Variants in TAF4B observed in about 807,000 individuals in gnomAD.
TAF4B encodes TATA-box binding protein associated factor 4b.
Under a neutral mutation model 86.4 loss-of-function variants are expected in TAF4B, and 38 were observed. The ratio of observed to expected loss-of-function variants is 0.44; its 90% CI spans 0.34 to 0.58. TAF4B has a LOEUF of 0.58. Ranked by LOEUF, TAF4B falls within the 20% of genes least tolerant of loss-of-function variation. The probability of loss-of-function intolerance (pLI) is 0.02; values close to 1 mark genes in which losing one functional copy is unlikely to be tolerated. For missense variants in TAF4B, 988 were observed against 1,027.6 expected, an observed-to-expected ratio of 0.96 and a Z score of 0.53; for synonymous variants, 388 against 391.2, an observed-to-expected ratio of 0.99 and a Z score of 0.10.
chr18:26,376,108 C>A (rs916618426), intron 14 of TAF4B, among the ~76,000 whole-genome samples: 1 of 151,608 alleles, frequency 6.6e-6, no homozygotes, highest in Non-Finnish European at 1.5e-5. Context: ...AGTACTATAA[C>A]TTTGTAGTAA....
At chr18:26,330,102 T>C (rs1393484167) in intron 12 of TAF4B, among the ~76,000 whole-genome samples, 1 of 152,190 alleles carries the variant, frequency 6.6e-6, no homozygotes, top group African/African-American at 2.4e-5. Flanking sequence ...CAAACCTCCG[T>C]GTGTTAACCA....
chr18:26,390,197 A>T lies in TAF4B; in HGVS notation c.*185A>T. The stretch of plus-strand genomic sequence containing the variant: ...ATGGGACTCTTACAGACTCAGATTC[A>T]TCTTTGTCTTCTGAAAATCAGTTAT... On this transcript the variant is annotated 3_prime_UTR_variant, in exon 15 of 15. Transcript: ENST00000269142. 1.9e-6 allele frequency: 1 copy of T among 522,222 alleles called. No individual in the cohort carries two copies. The highest frequency in any genetic ancestry group is 3.2e-6 in the Non-Finnish European group (1 of 309,114). 32.3% of individuals were successfully genotyped at this position (522,222 alleles called of 1,614,324 possible). A position where few individuals can be genotyped will look rare whatever the true frequency, so the allele number is the denominator to read the frequency against.
At chr18:26,238,659 A>G (rs1259349715) in intron 1 of TAF4B, among the ~76,000 whole-genome samples, 1 of 151,958 alleles carries the variant, frequency 6.6e-6, no homozygotes, top group Non-Finnish European at 1.5e-5. Context: ...TTACATATGT[A>G]TACATGTGCC....
chr18:26,356,580 G>A (rs1181182543), intron 13 of TAF4B, among the ~76,000 whole-genome samples: 1 of 152,114 alleles, frequency 6.6e-6, no homozygotes, highest in East Asian at 1.9e-4. Context: ...CTCAGTACAT[G>A]TATAGGGTTT....
chr18:26,227,012 C>T lies in TAF4B; in HGVS notation c.79C>T (p.Pro27Ser), dbSNP rs2055586162. The T allele has an allele frequency of 1.4e-6, 2 of 1,459,270 alleles. No homozygotes were observed. The highest frequency in any genetic ancestry group is 1.8e-6 in the Non-Finnish European group (2 of 1,120,228). 90.4% of individuals were successfully genotyped at this position (1,459,270 alleles called of 1,614,324 possible). A position where few individuals can be genotyped will look rare whatever the true frequency, so the allele number is the denominator to read the frequency against. The change falls in exon 1 of 15, where the codon CCG becomes TCG. Residue 27 changes from proline to serine, a missense_variant. By Grantham distance (74) the Pro-to-Ser change is moderately conservative (BLOSUM62 -1). Transcript: ENST00000269142. Reference protein sequence around the residue: ...VSASGTVTMAPAGALPVRVES... With the variant: ...VSASGTVTMASAGALPVRVES... ...CGCCTCGGGGACCGTGACCATGGCC[C>T]CGGCCGGGGCGCTGCCGGTGCGGGT...
chr18:26,301,978 C>T (rs2056738535), intron 9 of TAF4B, among the ~76,000 whole-genome samples: 1 of 152,196 alleles, frequency 6.6e-6, no homozygotes, highest in Non-Finnish European at 1.5e-5. Flanking sequence ...GTGAGGTTCT[C>T]TTCTCTCAGG....
intron 9 of TAF4B, among the ~76,000 whole-genome samples, chr18:26,312,622 C>A (rs1361729123): frequency 3.9e-5 from 6 of 152,108 alleles, no homozygotes; most frequent in Admixed American, 2.0e-4. Flanking sequence ...AGTAAGTAGG[C>A]CTGGCACTGG....
intron 1 of TAF4B, among the ~76,000 whole-genome samples, chr18:26,230,669 G>T (rs1352824011): frequency 6.6e-6 from 1 of 152,104 alleles, no homozygotes; most frequent in Non-Finnish European, 1.5e-5. Context: ...GTTTCCATTT[G>T]GATGCCGTGC....
At chr18:26,324,728 C>T (rs906872365) in intron 11 of TAF4B, among the ~76,000 whole-genome samples, 4 of 152,180 alleles carry the variant, frequency 2.6e-5, no homozygotes, top group African/African-American at 9.7e-5. Flanking sequence ...TTTTCCTACA[C>T]TCATTTGTTA....
intron 9 of TAF4B, among the ~76,000 whole-genome samples, chr18:26,296,905 C>T (rs2056669189): frequency 1.2e-5 from 1 of 84,796 alleles, no homozygotes; most frequent in Non-Finnish European, 2.5e-5. Flanking sequence ...TTTGGGAGGC[C>T]GAGGCAGGTG....
chr18:26,350,447 G>A lies in TAF4B; in HGVS notation c.2317-7243G>A, dbSNP rs992356887. On this transcript the variant is annotated intron_variant, in intron 13 of 14. Transcript: ENST00000269142. ...AACACTTGGGAAGGAAGATGTAGGA[G>A]GATCACTTGGGGCCAGGAATTTGAG... 9.8e-5 allele frequency among the ~76,000 whole-genome samples: 15 copies of A among 152,290 alleles called. No homozygotes were observed. The South Asian group carries it at 1.7e-3, about 17-fold the overall frequency.
At chr18:26,361,614 A>T (rs1003776307) in intron 14 of TAF4B, among the ~76,000 whole-genome samples, 1 of 151,796 alleles carries the variant, frequency 6.6e-6, no homozygotes, top group African/African-American at 2.4e-5. Flanking sequence ...GCGTGGTGTC[A>T]TGTGCCTGTA....
chr18:26,367,581 T>C (rs1317944129), intron 14 of TAF4B, among the ~76,000 whole-genome samples: 2 of 152,182 alleles, frequency 1.3e-5, no homozygotes, highest in African/African-American at 2.4e-5. Flanking sequence ...GTCTGCTGAT[T>C]CAAATGCTAA....
chr18:26,301,557 G>A (rs746471030), intron 9 of TAF4B, among the ~76,000 whole-genome samples: 1 of 152,098 alleles, frequency 6.6e-6, no homozygotes, highest in Non-Finnish European at 1.5e-5. Context: ...GCCTTCCAAA[G>A]CGCTGGGATT....
At chr18:26,319,805 G>T (rs137959884) in intron 10 of TAF4B, among the ~76,000 whole-genome samples, 6,215 of 152,152 alleles carry the variant, frequency 0.041, 178 homozygotes, top group Non-Finnish European at 0.057. Flanking sequence ...AGTCAGGCTG[G>T]TCTCGAACTC....
intron 3 of TAF4B, among the ~76,000 whole-genome samples, chr18:26,269,118 G>A (rs1006207452): frequency 1.3e-5 from 2 of 152,094 alleles, no homozygotes; most frequent in South Asian, 2.1e-4. Flanking sequence ...CACCGCACCC[G>A]ACTCTTAGTG....
At chr18:26,239,678 A>G (rs1342029628) in intron 1 of TAF4B, among the ~76,000 whole-genome samples, 1 of 152,190 alleles carries the variant, frequency 6.6e-6, no homozygotes, top group African/African-American at 2.4e-5. Context: ...TATGTCCTGA[A>G]TGGTATTGCC....
chr18:26,281,281 A>T (rs2056445935), intron 5 of TAF4B, among the ~76,000 whole-genome samples: 1 of 151,066 alleles, frequency 6.6e-6, no homozygotes, highest in African/African-American at 2.4e-5. Flanking sequence ...TTTTTTTTTT[A>T]ATCTAAGATC....
intron 12 of TAF4B, among the ~76,000 whole-genome samples, chr18:26,333,869 G>C (rs967995947): frequency 6.6e-6 from 1 of 151,878 alleles, no homozygotes; most frequent in East Asian, 1.9e-4. Flanking sequence ...TATATCATCT[G>C]TCTCCAAAGG....
Sources: gnomAD v4.1 joint callset for allele counts (sites outside exome capture counted in the v4.1 genomes callset) on GRCh38, gnomAD v4.1.1 for gene constraint, MANE v1.5 for transcripts, NCBI Gene and HGNC (gene_info 2026-07-23, HGNC 2026-07-21) for gene names.